The following ME3 variants were observed in gnomAD, a reference collection of about 807,000 sequenced individuals.
ME3 encodes malic enzyme 3.
ME3 carries 48 observed loss-of-function variants against 68.9 expected under a neutral mutation model. That is an observed-to-expected ratio of 0.70 (90% CI 0.55 to 0.89). The LOEUF (loss-of-function observed/expected upper bound fraction) is 0.89. Ranked by LOEUF, ME3 falls within the 40% of genes least tolerant of loss-of-function variation. The pLI, the probability that ME3 is intolerant of heterozygous loss-of-function variation, is 0.00. For missense variants in ME3, 675 were observed against 797.4 expected (o/e 0.85, Z 1.85); for synonymous variants, 320 against 318.8 (o/e 1.00, Z -0.04).
chr11:86,465,511 A>G (rs978230079), intron 7 of ME3, among the ~76,000 whole-genome samples: 8 of 152,116 alleles, frequency 5.3e-5, no homozygotes, highest in Non-Finnish European at 1.0e-4. Flanking sequence ...GGGAGTGACA[A>G]GAGGGCCAAG....
Position 86,460,766 on chromosome 11 carries a change from G to A in ME3, c.919+4325C>T, listed in dbSNP as rs530216249. On this transcript the variant is annotated intron_variant, in intron 8 of 14. Transcript: ENST00000543262. ...TGGAGATGCTCCTCTCCCATTATGA[G>A]CATGGCTTGTAGTCTTAAGTGGCAT... Among the ~76,000 whole-genome samples the A allele has an allele frequency of 2.6e-5, 4 of 152,342 alleles. No individual in the cohort carries two copies. In the South Asian group the frequency reaches 6.2e-4, roughly 24 times the overall value.
chr11:86,651,297 T>G lies in ME3; in HGVS notation c.183+20465A>C, dbSNP rs1003715864. 2.6e-5 allele frequency among the ~76,000 whole-genome samples: 4 copies of G among 152,188 alleles called. No homozygotes were observed. The South Asian group carries it at 6.2e-4, about 24-fold the overall frequency. ...ATCTGAGAATGGACAGACTGCCTCC[T>G]CAAGTGGGTCCCTGACCCCTGAGTA... On this transcript the variant is annotated intron_variant, in intron 2 of 14. Coordinates refer to ENST00000543262, the Ensembl canonical transcript of ME3.
intron 2 of ME3, among the ~76,000 whole-genome samples, chr11:86,604,705 C>A (rs1961351187): frequency 6.6e-6 from 1 of 151,760 alleles, no homozygotes; most frequent in South Asian, 2.1e-4. Context: ...GATCAGGGAA[C>A]TGAGGTATAG....
chr11:86,595,306 T>TATAGAG (rs371436753), intron 2 of ME3, among the ~76,000 whole-genome samples: 1,513 of 79,784 alleles, frequency 0.019, 97 homozygotes, highest in Middle Eastern at 0.048. Flanking sequence ...TATATATATA[T>TATAGAG]AGAGAGAGAG....
intron 13 of ME3, among the ~76,000 whole-genome samples, chr11:86,445,595 C>T (rs1337941556): frequency 6.6e-6 from 1 of 152,166 alleles, no homozygotes; most frequent in East Asian, 1.9e-4. Context: ...CTATGCCTTG[C>T]TTTTGTCAGA....
intron 2 of ME3, among the ~76,000 whole-genome samples, chr11:86,579,930 A>G (rs1010541383): frequency 1.3e-5 from 2 of 152,344 alleles, no homozygotes; most frequent in African/African-American, 4.8e-5. Context: ...AAAAGAAAAT[A>G]TGGAACCTTG....
At chr11:86,545,366 A>C (rs1216645460) in intron 4 of ME3, among the ~76,000 whole-genome samples, 1 of 152,212 alleles carries the variant, frequency 6.6e-6, no homozygotes, top group East Asian at 1.9e-4. Flanking sequence ...ATAGGATGAG[A>C]GGAAGTCAGA....
At chr11:86,563,479 T>A (rs188408095) in intron 2 of ME3, among the ~76,000 whole-genome samples, 12 of 152,208 alleles carry the variant, frequency 7.9e-5, no homozygotes, top group African/African-American at 2.6e-4. Context: ...CTTGTTTCTT[T>A]TTGTTGCTAT....
chr11:86,613,365 AC>A (rs1210384452), intron 2 of ME3, among the ~76,000 whole-genome samples: 1 of 152,232 alleles, frequency 6.6e-6, no homozygotes, highest in Non-Finnish European at 1.5e-5. Context: ...CCAATATCAT[AC>A]TGAATGGGCA....
At position 86,584,828 on chromosome 11, in the gene ME3, C is replaced by T. The variant is rs150236588; in HGVS notation, c.184-25005G>A. ...GGGAAGTTTCTAATCAATGGGTATA[C>T]GATTTCAGTTATGAAAAATGAAGTT... On this transcript the variant is annotated intron_variant, in intron 2 of 14. Coordinates refer to ENST00000543262, the Ensembl canonical transcript of ME3. Among the ~76,000 whole-genome samples the T allele has an allele frequency of 5.9e-5, 9 of 152,134 alleles. 1 individual carries two copies. The highest frequency in any genetic ancestry group is 2.1e-4 in the South Asian group (1 of 4,816).
intron 4 of ME3, among the ~76,000 whole-genome samples, chr11:86,526,401 C>G (rs642278): frequency 0.34 from 51,127 of 152,106 alleles, 8,932 homozygotes; most frequent in African/African-American, 0.44. Context: ...CCACTGCAGC[C>G]CAAGGAGGCC....
At position 86,579,072 on chromosome 11, in the gene ME3, T is replaced by C. The variant is rs182089873; in HGVS notation, c.184-19249A>G. Among the ~76,000 whole-genome samples the C allele has an allele frequency of 2.2e-4, 33 of 152,282 alleles. 1 individual carries two copies. The highest frequency in any genetic ancestry group is 1.5e-3 in the South Asian group (7 of 4,822). On this transcript the variant is annotated intron_variant, in intron 2 of 14. Transcript: ENST00000543262. ...AAATGAATTATTCATTTAACAAGTA[T>C]GTTTTGAGTACCAGCTCTGTACTAG...
intron 5 of ME3, among the ~76,000 whole-genome samples, chr11:86,502,962 G>C (rs528257460): frequency 1.3e-5 from 2 of 152,066 alleles, no homozygotes; most frequent in African/African-American, 4.8e-5. Flanking sequence ...TAGCTACAAG[G>C]GTTGCCCACA....
chr11:86,634,675 T>C (rs1182087662), intron 2 of ME3, among the ~76,000 whole-genome samples: 1 of 90,266 alleles, frequency 1.1e-5, no homozygotes, highest in Non-Finnish European at 2.2e-5. Flanking sequence ...TAGTAAATGG[T>C]TCTGGGTCTT....
intron 2 of ME3, among the ~76,000 whole-genome samples, chr11:86,599,859 T>C (rs1257858765): frequency 6.6e-6 from 1 of 152,036 alleles, no homozygotes; most frequent in African/African-American, 2.4e-5. Context: ...CTAAGCTTCA[T>C]AAGTGGAGAA....
intron 4 of ME3, among the ~76,000 whole-genome samples, chr11:86,521,431 A>AAAAAATAATAATAAT (rs1271326906): frequency 1.4e-5 from 2 of 145,924 alleles, no homozygotes; most frequent in African/African-American, 2.6e-5. Flanking sequence ...AACAAAACAA[A>AAAAAATAATAATAAT]AATAATAATA....
chr11:86,508,766 A>G (rs773678353), intron 5 of ME3, 26 bp downstream of exon 5: 1 of 1,577,898 alleles, frequency 6.3e-7, no homozygotes, highest in South Asian at 1.1e-5. Flanking sequence ...AACAATGATT[A>G]AATAGCAATG....
chr11:86,512,144 T>C (rs940910861), intron 4 of ME3, among the ~76,000 whole-genome samples: 1 of 152,242 alleles, frequency 6.6e-6, no homozygotes, highest in Non-Finnish European at 1.5e-5. Context: ...TGCTTTTGTC[T>C]GTACAGTGGG....
At chr11:86,527,792 G>C (rs1035576323) in intron 4 of ME3, among the ~76,000 whole-genome samples, 1 of 152,152 alleles carries the variant, frequency 6.6e-6, no homozygotes, top group Admixed American at 6.5e-5. Flanking sequence ...ATACTTCATA[G>C]ACAAGCAAAT....
Sources: gnomAD v4.1 joint callset for allele counts (sites outside exome capture counted in the v4.1 genomes callset) on GRCh38, gnomAD v4.1.1 for gene constraint, MANE v1.5 for transcripts, NCBI Gene and HGNC (gene_info 2026-07-23, HGNC 2026-07-21) for gene names.